The following ZCCHC7 variants were observed in gnomAD, a reference collection of about 807,000 sequenced individuals.
The protein encoded by ZCCHC7 is zinc finger CCHC-type containing 7.
ZCCHC7 carries 35 observed loss-of-function variants against 52.0 expected under a neutral mutation model. The observed-to-expected ratio is 0.67, with a 90% CI of 0.51 to 0.89. ZCCHC7 has a LOEUF of 0.89. Ranked by LOEUF, ZCCHC7 falls within the 40% of genes least tolerant of loss-of-function variation. The pLI, the probability that ZCCHC7 is intolerant of heterozygous loss-of-function variation, is 0.00. For synonymous variants in ZCCHC7, 217 were observed against 221.5 expected (o/e 0.98, Z 0.18); for missense variants, 574 against 649.1 (o/e 0.88, Z 1.26).
At chr9:37,141,554 T>G (rs908554710) in intron 2 of ZCCHC7, among the ~76,000 whole-genome samples, 5 of 151,956 alleles carry the variant, frequency 3.3e-5, no homozygotes, top group African/African-American at 1.2e-4. Flanking sequence ...CCTGAAAATT[T>G]GTATTCATGG....
chr9:37,273,616 C>T (rs1265984413), intron 2 of ZCCHC7, among the ~76,000 whole-genome samples: 3 of 152,162 alleles, frequency 2.0e-5, no homozygotes, highest in Non-Finnish European at 2.9e-5. Flanking sequence ...CTGGACTTGG[C>T]AAAGTATCCT....
chr9:37,318,942 C>CAAA (rs34576609), intron 5 of ZCCHC7, among the ~76,000 whole-genome samples: 1 of 107,014 alleles, frequency 9.3e-6, no homozygotes, highest in African/African-American at 3.6e-5. Context: ...GACTCTGTCT[C>CAAA]AAAAAAAAAA....
At chr9:37,133,949 CCT>C (rs1356175728) in intron 2 of ZCCHC7, among the ~76,000 whole-genome samples, 1 of 152,150 alleles carries the variant, frequency 6.6e-6, no homozygotes, top group Non-Finnish European at 1.5e-5. Context: ...GTCTTGAACT[CCT>C]GGCCTCAAGT....
chr9:37,251,011 T>A (rs1386048875), intron 2 of ZCCHC7, among the ~76,000 whole-genome samples: 1 of 152,210 alleles, frequency 6.6e-6, no homozygotes, highest in Non-Finnish European at 1.5e-5. Context: ...CTTCATCCTG[T>A]GAAACTAGTT....
chr9:37,220,591 T>G (rs557857273), intron 2 of ZCCHC7, among the ~76,000 whole-genome samples: 1 of 152,094 alleles, frequency 6.6e-6, no homozygotes, highest in Non-Finnish European at 1.5e-5. Context: ...TGTGAGTGAT[T>G]GATAGATAGT....
At chr9:37,151,835 C>T (rs1297188321) in intron 2 of ZCCHC7, among the ~76,000 whole-genome samples, 1 of 152,058 alleles carries the variant, frequency 6.6e-6, no homozygotes, top group Non-Finnish European at 1.5e-5. Flanking sequence ...TTCTTCGACT[C>T]TAAGATGATG....
intron 2 of ZCCHC7, among the ~76,000 whole-genome samples, chr9:37,284,909 C>A (rs866685848): frequency 1.7e-4 from 26 of 152,148 alleles, no homozygotes; most frequent in African/African-American, 6.3e-4. Context: ...ACATTTCTAA[C>A]AAATGTTTCA....
At chr9:37,340,499 TA>T (rs1272834988) in intron 6 of ZCCHC7, among the ~76,000 whole-genome samples, 2 of 152,142 alleles carry the variant, frequency 1.3e-5, no homozygotes, top group Admixed American at 6.6e-5. Flanking sequence ...AATTTTGACT[TA>T]AAAAAGTTCA....
intron 2 of ZCCHC7, chr9:37,186,576 A>G: frequency 5.2e-6 from 2 of 387,574 alleles, no homozygotes; most frequent in Admixed American, 4.5e-5. Context: ...CACATCAAGG[A>G]CAGTTGGCAG....
intron 2 of ZCCHC7, among the ~76,000 whole-genome samples, chr9:37,204,394 T>C (rs547763531): frequency 1.3e-4 from 20 of 152,354 alleles, no homozygotes; most frequent in Middle Eastern, 3.4e-3. Context: ...GCCTATGTCT[T>C]GAATGGTATC....
intron 6 of ZCCHC7, among the ~76,000 whole-genome samples, chr9:37,338,602 T>C (rs1341531303): frequency 2.0e-5 from 3 of 152,298 alleles, no homozygotes; most frequent in South Asian, 2.1e-4. Context: ...CAACACACGT[T>C]ATTCTGCAGT....
chr9:37,184,481 G>T (rs919890017), intron 2 of ZCCHC7, among the ~76,000 whole-genome samples: 5 of 151,456 alleles, frequency 3.3e-5, no homozygotes, highest in African/African-American at 1.2e-4. Flanking sequence ...GGCCTGGCAG[G>T]ATCCTATTCC....
chr9:37,212,305 A>AT (rs1824283622), intron 2 of ZCCHC7, among the ~76,000 whole-genome samples: 1 of 151,968 alleles, frequency 6.6e-6, no homozygotes, highest in Non-Finnish European at 1.5e-5. Flanking sequence ...ATCTTCTACC[A>AT]TACCTAAAAA....
intron 2 of ZCCHC7, among the ~76,000 whole-genome samples, chr9:37,287,948 A>AG (rs1828333777): frequency 6.6e-6 from 1 of 152,020 alleles, no homozygotes; most frequent in Non-Finnish European, 1.5e-5. Flanking sequence ...AAAAAAAAAA[A>AG]CATTTAACCA....
chr9:37,303,788 CA>C (rs1829161557), intron 3 of ZCCHC7, among the ~76,000 whole-genome samples: 3 of 151,636 alleles, frequency 2.0e-5, no homozygotes, highest in Non-Finnish European at 4.4e-5. Context: ...CTCAGCCTCC[CA>C]AGTAGCTGGG....
chr9:37,268,292 T>G (rs1363684915), intron 2 of ZCCHC7, among the ~76,000 whole-genome samples: 1 of 152,048 alleles, frequency 6.6e-6, no homozygotes, highest in Non-Finnish European at 1.5e-5. Context: ...CAGATTTCTC[T>G]ACCTGGCCAA....
intron 2 of ZCCHC7, among the ~76,000 whole-genome samples, chr9:37,199,751 G>A (rs1206748574): frequency 6.6e-6 from 1 of 151,404 alleles, no homozygotes; most frequent in African/African-American, 2.4e-5. Flanking sequence ...TGTTGTCCAG[G>A]CTGGAGTGCA....
At chr9:37,271,303 ACT>A (rs1827399249) in intron 2 of ZCCHC7, among the ~76,000 whole-genome samples, 1 of 152,192 alleles carries the variant, frequency 6.6e-6, no homozygotes, top group African/African-American at 2.4e-5. Flanking sequence ...AATGTGTTAA[ACT>A]CTACAGGATA....
intron 1 of ZCCHC7, among the ~76,000 whole-genome samples, chr9:37,124,118 C>T (rs1842441111): frequency 6.6e-6 from 1 of 152,052 alleles, no homozygotes; most frequent in Admixed American, 6.6e-5. Context: ...ATTTGGGACA[C>T]TAAGAAAACA....
Sources: gnomAD v4.1 joint callset for allele counts (sites outside exome capture counted in the v4.1 genomes callset) on GRCh38, gnomAD v4.1.1 for gene constraint, MANE v1.5 for transcripts, NCBI Gene and HGNC (gene_info 2026-07-23, HGNC 2026-07-21) for gene names.